The following LRRC7 variants were observed in gnomAD, a reference collection of about 807,000 sequenced individuals.
The protein encoded by LRRC7 is leucine rich repeat containing 7.
In LRRC7, 23 loss-of-function variants were observed where a neutral mutation model predicts 175.7. The ratio of observed to expected loss-of-function variants is 0.13; its 90% CI spans 0.09 to 0.19. LRRC7 has a LOEUF of 0.19. Among genes scored for constraint, LRRC7 ranks in the 10% least tolerant of loss-of-function variants. The pLI is 1.00. For missense variants in LRRC7, 1,354 were observed against 1,904.7 expected, an observed-to-expected ratio of 0.71 and a Z score of 5.38; for synonymous variants, 685 against 680.9, an observed-to-expected ratio of 1.01 and a Z score of -0.09.
intron 7 of LRRC7, chr1:69,919,770 G>A (rs1408851135): frequency 6.5e-6 from 6 of 928,568 alleles, no homozygotes; most frequent in East Asian, 2.4e-5. Context: ...TGGTTTGCGC[G>A]GCGGACGGGG....
At chr1:69,820,841 T>G (rs1333556831) in intron 4 of LRRC7, among the ~76,000 whole-genome samples, 5 of 152,226 alleles carry the variant, frequency 3.3e-5, no homozygotes, top group African/African-American at 1.2e-4. Flanking sequence ...TGTGTCTTTA[T>G]AGTAGAATGA....
chr1:69,829,332 G>T (rs1456767299), intron 5 of LRRC7, among the ~76,000 whole-genome samples: 1 of 151,922 alleles, frequency 6.6e-6, no homozygotes, highest in Non-Finnish European at 1.5e-5. Context: ...TTCTATCTTT[G>T]TTGTAGTTTT....
chr1:69,677,027 A>G (rs1285930887), intron 1 of LRRC7, among the ~76,000 whole-genome samples: 1 of 151,868 alleles, frequency 6.6e-6, no homozygotes, highest in Admixed American at 6.6e-5. Context: ...AAGTAAGAAC[A>G]TATGGTATTT....
At chr1:69,924,934 G>A (rs1647015332) in intron 7 of LRRC7, among the ~76,000 whole-genome samples, 1 of 152,118 alleles carries the variant, frequency 6.6e-6, no homozygotes, top group African/African-American at 2.4e-5. Context: ...TTGGCTGTGG[G>A]TTTGTCATAG....
chr1:69,783,577 C>T (rs891254026), intron 3 of LRRC7, among the ~76,000 whole-genome samples: 20 of 151,680 alleles, frequency 1.3e-4, no homozygotes, highest in Admixed American at 1.3e-4. Flanking sequence ...ATGGCGGAAC[C>T]CTGTCTCTAC....
chr1:69,875,599 T>C (rs1685969523), intron 7 of LRRC7, among the ~76,000 whole-genome samples: 1 of 152,088 alleles, frequency 6.6e-6, no homozygotes, highest in Non-Finnish European at 1.5e-5. Context: ...TCATTCATAA[T>C]ATTTGTGTGA....
chr1:69,781,966 A>AAAAG (rs751498242), intron 3 of LRRC7, among the ~76,000 whole-genome samples: 5 of 148,510 alleles, frequency 3.4e-5, no homozygotes, highest in African/African-American at 1.2e-4. Context: ...GAAAGAAAGA[A>AAAAG]AAAGAAAGAA....
rs76854582 is a variant in LRRC7 at position 69,690,113 on chromosome 1, G to A, written c.100+11635G>A. On this transcript the variant is annotated intron_variant, in intron 2 of 26. Transcript: ENST00000651989. The stretch of plus-strand genomic sequence containing the variant: ...TCTTCTATGGAAGGTCCATAGCTTT[G>A]CTCCAGCCTCCATAGTTATTTTTGC... Among the ~76,000 whole-genome samples, 212 of 152,210 alleles carry A rather than the reference G, an allele frequency of 1.4e-3. 1 individual carries two copies. The highest frequency in any genetic ancestry group is 1.5e-3 in the Non-Finnish European group (100 of 68,018).
intron 26 of LRRC7, 98 bp downstream of exon 26, chr1:70,107,924 A>C (rs1274771112): frequency 9.1e-7 from 1 of 1,100,060 alleles, no homozygotes; most frequent in Non-Finnish European, 1.4e-6. Flanking sequence ...ATTGAAAATA[A>C]GTCCTTCTCA....
intron 7 of LRRC7, chr1:69,919,487 G>C: frequency 1.1e-6 from 1 of 947,670 alleles, no homozygotes; most frequent in Non-Finnish European, 1.7e-6. Flanking sequence ...AGCAGCAGTG[G>C]CGGCAAAATC....
chr1:69,574,113 G>A (rs1645849280), intron 1 of LRRC7, among the ~76,000 whole-genome samples: 1 of 152,022 alleles, frequency 6.6e-6, no homozygotes, highest in Non-Finnish European at 1.5e-5. Flanking sequence ...TGTGTGTGGC[G>A]GGGTGGGTCA....
At chr1:70,099,245 GA>G (rs1422428034) in intron 25 of LRRC7, among the ~76,000 whole-genome samples, 1 of 137,264 alleles carries the variant, frequency 7.3e-6, no homozygotes, top group African/African-American at 2.8e-5. Context: ...AATAGATGCA[GA>G]AAAGGCCTTT....
chr1:70,107,883 T>C (rs1665254056), intron 26 of LRRC7, 57 bp downstream of exon 26: 17 of 1,317,962 alleles, frequency 1.3e-5, no homozygotes, highest in Non-Finnish European at 1.8e-5. Context: ...TATGTAACCA[T>C]GTTACCAAGT....
chr1:69,891,958 C>A (rs1302292637), intron 7 of LRRC7, among the ~76,000 whole-genome samples: 1 of 140,092 alleles, frequency 7.1e-6, no homozygotes, highest in Non-Finnish European at 1.6e-5. Context: ...TGACACGTGC[C>A]TGTATTCTCA....
intron 24 of LRRC7, among the ~76,000 whole-genome samples, chr1:70,083,381 C>T (rs1663368034): frequency 6.6e-6 from 1 of 152,098 alleles, no homozygotes; most frequent in African/African-American, 2.4e-5. Flanking sequence ...TTGCATAGCA[C>T]TCTTTATCAT....
At chr1:69,757,519 C>T (rs530792748) in intron 2 of LRRC7, among the ~76,000 whole-genome samples, 63 of 151,964 alleles carry the variant, frequency 4.1e-4, no homozygotes, top group Admixed American at 2.4e-3. Flanking sequence ...GTAGTTCAGC[C>T]TGTTGTGGGA....
At chr1:69,768,330 T>A (rs1461393792) in intron 3 of LRRC7, among the ~76,000 whole-genome samples, 1 of 152,276 alleles carries the variant, frequency 6.6e-6, no homozygotes, top group East Asian at 1.9e-4. Flanking sequence ...CCTTGGTTTT[T>A]CCACTGCCAG....
intron 2 of LRRC7, among the ~76,000 whole-genome samples, chr1:69,731,932 T>G (rs1394405848): frequency 6.6e-6 from 1 of 152,156 alleles, no homozygotes; most frequent in Admixed American, 6.5e-5. Context: ...CTCTCTACTG[T>G]CCCTAAATTT....
At chr1:69,998,643 A>G (rs1362645406) in intron 11 of LRRC7, among the ~76,000 whole-genome samples, 1 of 152,138 alleles carries the variant, frequency 6.6e-6, no homozygotes, top group Admixed American at 6.6e-5. Flanking sequence ...ATCCCTACTT[A>G]ACGTCATGAT....
Sources: gnomAD v4.1 joint callset for allele counts (sites outside exome capture counted in the v4.1 genomes callset) on GRCh38, gnomAD v4.1.1 for gene constraint, MANE v1.5 for transcripts, NCBI Gene and HGNC (gene_info 2026-07-23, HGNC 2026-07-21) for gene names.